The following ASTN1 variants were observed in gnomAD, a reference collection of about 807,000 sequenced individuals.
The protein encoded by ASTN1 is astrotactin-1.
In ASTN1, 41 loss-of-function variants were observed where a neutral mutation model predicts 140.7. That is an observed-to-expected ratio of 0.29 (90% CI 0.23 to 0.38). The LOEUF (loss-of-function observed/expected upper bound fraction) is 0.38. Ranked by LOEUF, ASTN1 falls within the 10% of genes least tolerant of loss-of-function variation. The pLI is 1.00. For synonymous variants in ASTN1, 640 were observed against 652.2 expected, an observed-to-expected ratio of 0.98 and a Z score of 0.29; for missense variants, 1,479 against 1,678.8, an observed-to-expected ratio of 0.88 and a Z score of 2.08.
Position 176,900,067 on chromosome 1 carries a change from A to G in ASTN1, c.2672-5237T>C, listed in dbSNP as rs1669699347. On this transcript the variant is annotated intron_variant, in intron 16 of 22. Transcript: ENST00000361833. ...TCCATGAACATATTGGAGTGAATAT[A>G]TTAAGTCATGATCTTAGGTTCACAT... is the stretch of plus-strand genomic sequence containing the variant. 3.3e-5 allele frequency among the ~76,000 whole-genome samples: 5 copies of G among 152,336 alleles called. No homozygotes were observed. In the South Asian group the frequency reaches 1.0e-3, roughly 32 times the overall value.
Position 177,164,293 on chromosome 1 carries a change from AG to A in ASTN1, c.283+100del, listed in dbSNP as rs1010340427. 2.6e-4 allele frequency: 295 copies of A among 1,125,846 alleles called. 1 individual carries two copies. The highest frequency in any genetic ancestry group is 3.2e-4 in the Non-Finnish European group (274 of 858,126). 69.7% of individuals were successfully genotyped at this position (1,125,846 alleles called of 1,614,324 possible). The stretch of plus-strand genomic sequence containing the variant: ...CGGATCCGGGAGGTAGGAGTGGGGG[AG>A]GGGAGGTCGTCGGCGAGTGGGTGTG... On this transcript the variant is annotated intron_variant, in intron 1 of 22. Transcript: ENST00000361833.
intron 7 of ASTN1, among the ~76,000 whole-genome samples, chr1:177,020,667 T>A (rs915085024): frequency 6.6e-6 from 1 of 152,218 alleles, no homozygotes; most frequent in African/African-American, 2.4e-5. Flanking sequence ...CATTCACAGG[T>A]CCTGGAGATG....
chr1:177,056,472 C>T (rs1292646922), intron 2 of ASTN1, among the ~76,000 whole-genome samples: 1 of 151,786 alleles, frequency 6.6e-6, no homozygotes, highest in Non-Finnish European at 1.5e-5. Flanking sequence ...GCTGGGGCTA[C>T]TAAGATTTTT....
At chr1:176,891,623 A>C (rs1421774278) in intron 17 of ASTN1, among the ~76,000 whole-genome samples, 1 of 152,196 alleles carries the variant, frequency 6.6e-6, no homozygotes, top group African/African-American at 2.4e-5. Flanking sequence ...GAGAAACCCC[A>C]TCTCTACCAA....
intron 9 of ASTN1, among the ~76,000 whole-genome samples, chr1:176,960,193 C>T (rs1173105172): frequency 3.3e-5 from 5 of 152,144 alleles, no homozygotes; most frequent in Admixed American, 6.5e-5. Context: ...TGTATAATTT[C>T]ACTTTGCATT....
intron 21 of ASTN1, among the ~76,000 whole-genome samples, chr1:176,874,581 T>C (rs1461954764): frequency 6.6e-6 from 1 of 152,202 alleles, no homozygotes; most frequent in Non-Finnish European, 1.5e-5. Flanking sequence ...TGAATCTCAA[T>C]TGCTGCATCT....
At chr1:177,094,559 T>C (rs998256337) in intron 1 of ASTN1, among the ~76,000 whole-genome samples, 4 of 152,198 alleles carry the variant, frequency 2.6e-5, no homozygotes, top group Non-Finnish European at 4.4e-5. Context: ...CCAAATGTGC[T>C]AGTGGCTTAA....
intron 1 of ASTN1, among the ~76,000 whole-genome samples, chr1:177,111,365 G>T (rs1680815505): frequency 6.6e-6 from 1 of 152,128 alleles, no homozygotes; most frequent in African/African-American, 2.4e-5. Context: ...GTGCTTCTCA[G>T]TCTTTAATGT....
At chr1:176,914,750 G>T (rs1670407489) in intron 16 of ASTN1, among the ~76,000 whole-genome samples, 1 of 152,178 alleles carries the variant, frequency 6.6e-6, no homozygotes, top group African/African-American at 2.4e-5. Flanking sequence ...TAACAACAAT[G>T]CGACCTTGGA....
rs57854465 is a variant in ASTN1, at chr1:176,957,880, C to T, written c.1737-52G>A. Reference sequence around the variant, plus strand: ...GGAGGAGTCAAGGAGATTCCAGATGCAACAAGTGGCATTACATTCCATGCT... The same window carrying T: ...GGAGGAGTCAAGGAGATTCCAGATGTAACAAGTGGCATTACATTCCATGCT... On this transcript the variant is annotated intron_variant, in intron 10 of 22. Transcript: ENST00000361833. 1,139 of 1,573,142 alleles carry T rather than the reference C, an allele frequency of 7.2e-4. 8 individuals carry two copies. In the African/African-American group the frequency reaches 0.014, roughly 19 times the overall value.
intron 1 of ASTN1, among the ~76,000 whole-genome samples, chr1:177,063,677 C>T (rs548931373): frequency 6.6e-6 from 1 of 152,106 alleles, no homozygotes; most frequent in Non-Finnish European, 1.5e-5. Context: ...TCCTTCCAAC[C>T]ACTACTCATG....
chr1:176,875,096 A>C (rs1668507144), intron 21 of ASTN1, among the ~76,000 whole-genome samples: 1 of 152,182 alleles, frequency 6.6e-6, no homozygotes, highest in Non-Finnish European at 1.5e-5. Context: ...TACTGTGAGG[A>C]TACCTTATTA....
chr1:176,978,352 A>T (rs886899638), intron 8 of ASTN1, among the ~76,000 whole-genome samples: 8 of 152,242 alleles, frequency 5.3e-5, no homozygotes, highest in African/African-American at 1.7e-4. Flanking sequence ...AAAGCAAGAT[A>T]AATGGGAAAG....
At chr1:177,053,090 C>T (rs1403089633) in intron 2 of ASTN1, among the ~76,000 whole-genome samples, 1 of 152,182 alleles carries the variant, frequency 6.6e-6, no homozygotes, top group East Asian at 1.9e-4. Context: ...ACAGTGAGGG[C>T]TTAGTGAGCA....
chr1:176,859,921 A>G (rs963332750), downstream of ASTN1, among the ~76,000 whole-genome samples: 1 of 152,098 alleles, frequency 6.6e-6, no homozygotes, highest in African/African-American at 2.4e-5. Context: ...GTATTGGTGG[A>G]GGTTGCTTGG....
At chr1:176,913,021 G>T (rs1401672376) in intron 16 of ASTN1, among the ~76,000 whole-genome samples, 1 of 152,160 alleles carries the variant, frequency 6.6e-6, no homozygotes, top group African/African-American at 2.4e-5. Flanking sequence ...GCCCACCCCT[G>T]CAGGTAACAG....
At chr1:177,036,300 G>A (rs1024830387) in intron 2 of ASTN1, among the ~76,000 whole-genome samples, 1 of 151,962 alleles carries the variant, frequency 6.6e-6, no homozygotes, top group Non-Finnish European at 1.5e-5. Context: ...ACCCGCCTCA[G>A]CCTCCCAAAG....
At chr1:177,107,457 C>A (rs2102145428) in intron 1 of ASTN1, among the ~76,000 whole-genome samples, 1 of 152,320 alleles carries the variant, frequency 6.6e-6, no homozygotes, top group Middle Eastern at 3.4e-3. Flanking sequence ...ATTTGCTACT[C>A]CAGGATTGCC....
intron 8 of ASTN1, among the ~76,000 whole-genome samples, chr1:176,966,469 G>A (rs533542266): frequency 1.3e-5 from 2 of 152,276 alleles, no homozygotes; most frequent in African/African-American, 2.4e-5. Context: ...TGTCATGCAA[G>A]ACATTTATTT....
Sources: gnomAD v4.1 joint callset for allele counts (sites outside exome capture counted in the v4.1 genomes callset) on GRCh38, gnomAD v4.1.1 for gene constraint, MANE v1.5 for transcripts, NCBI Gene and HGNC (gene_info 2026-07-23, HGNC 2026-07-21) for gene names.